Variants in GUCY2C observed in about 807,000 individuals in gnomAD.
GUCY2C encodes the protein guanylate cyclase 2C.
GUCY2C carries 118 observed loss-of-function variants against 131.1 expected under a neutral mutation model. The observed-to-expected ratio is 0.90, with a 90% CI of 0.78 to 1.05. The LOEUF is 1.05. GUCY2C is among the 50% of genes least tolerant of loss of function. GUCY2C has a pLI of 0.00. For synonymous variants in GUCY2C, 452 were observed against 457.8 expected (o/e 0.99, Z 0.16); for missense variants, 1,161 against 1,304.4 (o/e 0.89, Z 1.69).
In GUCY2C at chr12:14,641,403, G is replaced by T. The variant is rs537805039; in HGVS notation, c.1931-184C>A. Among the ~76,000 whole-genome samples, 4 of 152,248 alleles carry T rather than the reference G, an allele frequency of 2.6e-5. No individual in the cohort carries two copies. The East Asian group carries it at 7.7e-4, about 29-fold the overall frequency. Reference sequence around the variant, plus strand: ...ATTTTTGCTAATCCTGGTGATCAAAGGTAGAACACACACCTTTTAGACTAA... The same window carrying T: ...ATTTTTGCTAATCCTGGTGATCAAATGTAGAACACACACCTTTTAGACTAA... On this transcript the variant is annotated intron_variant, in intron 17 of 26. Coordinates refer to ENST00000261170, the MANE Select transcript of GUCY2C (RefSeq NM_004963.4).
At position 14,630,751 on chromosome 12, in the gene GUCY2C, C is replaced by T. The variant is rs115810746; in HGVS notation, c.2158-2014G>A. Among the ~76,000 whole-genome samples the T allele has an allele frequency of 2.5e-3, 382 of 152,218 alleles. 1 individual carries two copies. Among genetic ancestry groups the T allele is most frequent in the African/African-American group, 8.3e-3 (344 of 41,518 alleles). ...TCTACTGGGTGTTTCTGGGGCATTG[C>T]TGAGTGATCTAGTTTCGACTCTGTA... On this transcript the variant is annotated intron_variant, in intron 19 of 26. Transcript: ENST00000261170.
At position 14,666,572 on chromosome 12, in the gene GUCY2C, T is replaced by C. The variant is rs372375535; in HGVS notation, c.1282+3150A>G. On this transcript the variant is annotated intron_variant, in intron 10 of 26. Coordinates refer to ENST00000261170, the MANE Select transcript of GUCY2C (RefSeq NM_004963.4). ...CAACATGGCGAAACCCCGTCTCTAC[T>C]AAAAATACAAAAATTAGCCGGGCGT... Among the ~76,000 whole-genome samples the C allele has an allele frequency of 2.7e-3, 418 of 152,120 alleles. 2 individuals are homozygous for C. The highest frequency in any genetic ancestry group is 9.7e-3 in the African/African-American group (401 of 41,528).
At position 14,619,056 on chromosome 12, in the gene GUCY2C, G is replaced by T; in HGVS notation, c.2875+155C>A. ...AACAATGAAAGCAAATGTAGCAAAA[G>T]GTGGATTGACACGGGTTTGTGTTCA... On this transcript the variant is annotated intron_variant, in intron 24 of 26. Transcript: ENST00000261170. 4 of 553,518 alleles carry T rather than the reference G, an allele frequency of 7.2e-6. No homozygotes were observed. In the South Asian group the frequency reaches 8.5e-5, roughly 12 times the overall value. The allele number at this position is 553,518 out of a possible 1,614,324, so 34.3% of individuals were successfully genotyped here.
intron 1 of GUCY2C, among the ~76,000 whole-genome samples, chr12:14,688,529 AG>A (rs902889886): frequency 1.3e-5 from 2 of 152,170 alleles, no homozygotes; most frequent in African/African-American, 4.8e-5. Flanking sequence ...CATGGTCCCC[AG>A]GTGCTATTTG....
rs146850470 is a variant in GUCY2C at position 14,648,344 on chromosome 12, A to C, written c.1711-3029T>G. Among the ~76,000 whole-genome samples, 167 of 152,190 alleles carry C rather than the reference A, an allele frequency of 1.1e-3. 4 individuals carry two copies. The East Asian group carries it at 0.025, about 23-fold the overall frequency. On this transcript the variant is annotated intron_variant, in intron 15 of 26. Transcript: ENST00000261170. ...GAATGGAGTCACAAATGTTGAAAAA[A>C]TCCTGACACATACAGCCAGAAAAGG...
intron 19 of GUCY2C, among the ~76,000 whole-genome samples, chr12:14,637,196 CA>C (rs3083857): frequency 1.1e-4 from 13 of 123,406 alleles, no homozygotes; most frequent in African/African-American, 3.7e-4. Flanking sequence ...CAATAGCTAC[CA>C]AAAAAAAAAA....
intron 5 of GUCY2C, among the ~76,000 whole-genome samples, chr12:14,680,145 A>G (rs1461595703): frequency 2.0e-5 from 3 of 152,192 alleles, no homozygotes; most frequent in Non-Finnish European, 2.9e-5. Context: ...ATACCTCACC[A>G]TTTGTAAAAG....
chr12:14,670,480 A>G (rs921039435), intron 9 of GUCY2C, among the ~76,000 whole-genome samples: 1 of 152,118 alleles, frequency 6.6e-6, no homozygotes, highest in African/African-American at 2.4e-5. Context: ...TGCTGCATAT[A>G]TTGAGTCAAT....
intron 9 of GUCY2C, among the ~76,000 whole-genome samples, chr12:14,670,376 C>T (rs1156753830): frequency 6.6e-6 from 1 of 152,132 alleles, no homozygotes; most frequent in Non-Finnish European, 1.5e-5. Flanking sequence ...CTCTAATATG[C>T]TTTTCTTGTA....
At position 14,681,343 on chromosome 12, in the gene GUCY2C, C is replaced by G. The variant is rs1300167694; in HGVS notation, c.733+13G>C. The G allele has an allele frequency of 6.8e-6, 11 of 1,610,766 alleles. No homozygotes were observed. The highest frequency in any genetic ancestry group is 2.7e-5 in the African/African-American group (2 of 74,756). On this transcript the variant is annotated intron_variant, in intron 5 of 26. Transcript: ENST00000261170. ...GAAGTTAGCAAAAAACAATTATCTT[C>G]ATGTCTTCTTACCATTGCTTTTCCT...
chr12:14,643,463 G>T, intron 17 of GUCY2C, 111 bp downstream of exon 17: 2 of 884,432 alleles, frequency 2.3e-6, no homozygotes, highest in Non-Finnish European at 3.6e-6. Flanking sequence ...GTTGTCTCTT[G>T]TGGCTTTAAG....
intron 3 of GUCY2C, among the ~76,000 whole-genome samples, chr12:14,683,706 A>G (rs947622998): frequency 2.0e-5 from 3 of 152,158 alleles, no homozygotes; most frequent in Non-Finnish European, 4.4e-5. Flanking sequence ...GATGCTTAGT[A>G]TGTATTTAAC....
At position 14,613,728 on chromosome 12, in the gene GUCY2C, G is replaced by A. The variant is rs890285415; in HGVS notation, c.3048-437C>T. Among the ~76,000 whole-genome samples the A allele has an allele frequency of 6.6e-6, 1 of 152,148 alleles. No individual in the cohort carries two copies. Among genetic ancestry groups the A allele is most frequent in the East Asian group, 1.9e-4 (1 of 5,170 alleles). On this transcript the variant is annotated intron_variant, in intron 26 of 26. Transcript: ENST00000261170. The surrounding 1 kb of genome is among the most constrained non-coding windows in gnomAD (Gnocchi z 4.9). The stretch of plus-strand genomic sequence containing the variant: ...TTAGAATGGACCTGGAACACTCCAA[G>A]TAAGGAGCCAGGTTTCTCATGCCCC...
chr12:14,656,971 T>C (rs528967560), intron 11 of GUCY2C, among the ~76,000 whole-genome samples: 1 of 152,330 alleles, frequency 6.6e-6, no homozygotes, highest in South Asian at 2.1e-4. Flanking sequence ...ATAGATCCCC[T>C]GCATGCGCAG....
At position 14,652,018 on chromosome 12, in the gene GUCY2C, T is replaced by G. The variant is rs1218631230; in HGVS notation, c.1546A>C (p.Lys516Gln). The change falls in exon 14 of 27, where the codon AAA becomes CAA. Residue 516 changes from lysine to glutamine, a missense_variant. Physicochemically the swap from Lys to Gln is moderately conservative, Grantham distance 53 (BLOSUM62 1). Coordinates refer to ENST00000261170, the MANE Select transcript of GUCY2C (RefSeq NM_004963.4). ...CKYDKKRVIL[K>Q]DLKHNDGNFT... is the part of the protein sequence containing the mutation. ...TTACCATCATTGTGCTTGAGATCTT[T>G]GAGAATCACTCGCTGCAAAAATCAA... 1 of 1,596,748 alleles carries G rather than the reference T, an allele frequency of 6.3e-7. No homozygotes were observed. The highest frequency in any genetic ancestry group is 1.3e-5 in the African/African-American group (1 of 74,630).
chr12:14,688,019 G>C lies in GUCY2C; in HGVS notation c.262C>G (p.Leu88Val). The change falls in exon 2 of 27, where the codon CTG (leucine) becomes GTG (valine). Residue 88 changes from leucine (L) to valine (V), a missense_variant. By Grantham distance (32) the Leu-to-Val change is conservative (BLOSUM62 1). Coordinates refer to ENST00000261170, the MANE Select transcript of GUCY2C (RefSeq NM_004963.4). ...VNATFMYSDG[L>V]IHNSGDCRSS... ...CGGCAGTCGCCTGAGTTATGAATCA[G>C]ACCATCCGAATACATGAAAGTAGCG... is the stretch of plus-strand genomic sequence containing the variant. 1 of 1,613,892 alleles carries C rather than the reference G, an allele frequency of 6.2e-7. No homozygotes were observed.
At chr12:14,651,629 CA>C (rs1947661304) in intron 14 of GUCY2C, 118 bp from the exon 15 acceptor site, 1 of 646,336 alleles carries the variant, frequency 1.5e-6, no homozygotes, top group African/African-American at 1.8e-5. Context: ...GTTGTCTTAA[CA>C]AATTGAATGT....
At chr12:14,643,257 G>A (rs1248962953) in intron 17 of GUCY2C, among the ~76,000 whole-genome samples, 1 of 152,138 alleles carries the variant, frequency 6.6e-6, no homozygotes, top group African/African-American at 2.4e-5. Flanking sequence ...TAAATTAGAC[G>A]ATGTCTAAGG....
Position 14,639,874 on chromosome 12 carries a change from T to G in GUCY2C, c.2145A>C (p.Glu715Asp). 1 of 1,596,876 alleles carries G rather than the reference T, an allele frequency of 6.3e-7. No homozygotes were observed. Among genetic ancestry groups the G allele is most frequent in the South Asian group, 1.1e-5 (1 of 90,762 alleles). ...RPDLFLETAEEKELEVYLLVK... is the reference protein window; with the variant it reads ...RPDLFLETAEDKELEVYLLVK... Reference sequence around the variant, plus strand: ...AAGATATACTCACTTCTAGCTCTTTTTCCTCTGCTGTTTCCAAGAATAAAT... The same window carrying G: ...AAGATATACTCACTTCTAGCTCTTTGTCCTCTGCTGTTTCCAAGAATAAAT... The change falls in exon 19 of 27, where the codon GAA becomes GAC. Residue 715 changes from glutamate (E) to aspartate (D), a missense_variant. Coordinates refer to ENST00000261170, the MANE Select transcript of GUCY2C (RefSeq NM_004963.4).
Sources: allele counts gnomAD v4.1 joint callset (sites outside exome capture counted in the v4.1 genomes callset), GRCh38; gene constraint gnomAD v4.1.1; non-coding constraint Gnocchi (gnomAD v3.1); transcripts MANE v1.5; gene names NCBI Gene and HGNC (gene_info 2026-07-23, HGNC 2026-07-21).